The following KCTD1 variants were observed in gnomAD, a reference collection of about 807,000 sequenced individuals.
KCTD1 encodes potassium channel tetramerization domain containing 1.
Under a neutral mutation model 66.0 loss-of-function variants are expected in KCTD1, and 24 were observed. The ratio of observed to expected loss-of-function variants is 0.36; its 90% CI spans 0.26 to 0.51. The LOEUF (loss-of-function observed/expected upper bound fraction) is 0.51, where lower values mean the gene tolerates loss of function less well. Ranked by LOEUF, KCTD1 falls within the 20% of genes least tolerant of loss-of-function variation. The pLI is 0.95. For synonymous variants in KCTD1, 511 were observed against 517.2 expected, an observed-to-expected ratio of 0.99 and a Z score of 0.16; for missense variants, 943 against 1,205.2, an observed-to-expected ratio of 0.78 and a Z score of 3.22.
chr18:26,523,273 T>G (rs1166707115), intron 1 of KCTD1, among the ~76,000 whole-genome samples: 1 of 152,204 alleles, frequency 6.6e-6, no homozygotes, highest in African/African-American at 2.4e-5. Flanking sequence ...ACCCTGGAAC[T>G]CTATTTCTTT....
At chr18:26,534,708 T>C (rs539054529) in intron 1 of KCTD1, among the ~76,000 whole-genome samples, 4 of 152,310 alleles carry the variant, frequency 2.6e-5, no homozygotes, top group African/African-American at 9.6e-5. Flanking sequence ...AGAAATGTAG[T>C]AACCTGCCTA....
chr18:26,465,999 C>A lies in KCTD1; in HGVS notation c.2134-6074G>T, dbSNP rs538184578. 3.9e-3 allele frequency among the ~76,000 whole-genome samples: 588 copies of A among 151,786 alleles called. 3 individuals are homozygous for A. The highest frequency in any genetic ancestry group is 0.014 in the African/African-American group (559 of 41,308). On this transcript the variant is annotated intron_variant, in intron 3 of 4. Transcript: ENST00000580059. ...TCCTGAGTAGGCACTCCCGCAGGTA[C>A]CAGTGAAGAAACTCTGGCGAGTGGG...
intron 1 of KCTD1, among the ~76,000 whole-genome samples, chr18:26,562,843 A>G (rs1567994947): frequency 6.6e-6 from 1 of 152,198 alleles, no homozygotes; most frequent in East Asian, 1.9e-4. Context: ...CTCTCTTCTT[A>G]TGAACACATC....
rs1430822079 is a variant in KCTD1 at position 26,455,720 on chromosome 18, T to C, written c.*23A>G. The C allele has an allele frequency of 8.1e-6, 13 of 1,613,980 alleles. No individual in the cohort carries two copies. Among genetic ancestry groups the C allele is most frequent in the Non-Finnish European group, 1.1e-5 (13 of 1,179,984 alleles). ...AGTTATTGGTTGTGTGTGTTTTCCT[T>C]TTTGCATAAGAAATATGTCCATTTA... On this transcript the variant is annotated 3_prime_UTR_variant, in exon 5 of 5. Transcript: ENST00000580059.
At chr18:26,654,853 C>A (rs1598986966) in intron 1 of KCTD1, among the ~76,000 whole-genome samples, 1 of 152,230 alleles carries the variant, frequency 6.6e-6, no homozygotes, top group Admixed American at 6.5e-5. Flanking sequence ...ACAATTCTTT[C>A]CATTCAGGCA....
chr18:26,502,779 T>C (rs949383860), intron 1 of KCTD1, among the ~76,000 whole-genome samples: 2 of 152,234 alleles, frequency 1.3e-5, no homozygotes, highest in Admixed American at 1.3e-4. Flanking sequence ...ATGCAAACAA[T>C]GTATGGCAAA....
At chr18:26,589,341 C>T (rs1484299458) in intron 1 of KCTD1, among the ~76,000 whole-genome samples, 1 of 152,204 alleles carries the variant, frequency 6.6e-6, no homozygotes, top group Non-Finnish European at 1.5e-5. Context: ...GCAAGCCATT[C>T]AGTTAAGCAC....
At chr18:26,582,271 TAAAA>T (rs34642580) in intron 1 of KCTD1, among the ~76,000 whole-genome samples, 7 of 143,920 alleles carry the variant, frequency 4.9e-5, no homozygotes, top group African/African-American at 1.0e-4. Flanking sequence ...ACACCCCGTC[TAAAA>T]AAAAAAAAAA....
chr18:26,466,398 CT>C (rs1283555991), intron 3 of KCTD1, among the ~76,000 whole-genome samples: 3 of 152,232 alleles, frequency 2.0e-5, no homozygotes, highest in Non-Finnish European at 4.4e-5. Flanking sequence ...CTAGTAAGCG[CT>C]TCCTGTCAAT....
intron 1 of KCTD1, among the ~76,000 whole-genome samples, chr18:26,517,469 A>G (rs1254763045): frequency 9.2e-5 from 14 of 152,120 alleles, no homozygotes; most frequent in Admixed American, 9.2e-4. Context: ...CAGCCTGACC[A>G]ACATGGAGAA....
At chr18:26,526,581 G>A (rs979412749) in intron 1 of KCTD1, among the ~76,000 whole-genome samples, 6 of 152,174 alleles carry the variant, frequency 3.9e-5, no homozygotes, top group African/African-American at 1.2e-4. Flanking sequence ...AGATGCTAGG[G>A]AAATAGAAAT....
intron 2 of KCTD1, among the ~76,000 whole-genome samples, chr18:26,496,277 A>C (rs1466376575): frequency 6.6e-6 from 1 of 152,216 alleles, no homozygotes; most frequent in Non-Finnish European, 1.5e-5. Flanking sequence ...TCAAGCTAAC[A>C]AACTATTAAA....
chr18:26,565,672 G>A (rs1256648371), intron 1 of KCTD1: 1 of 151,172 alleles, frequency 6.6e-6, no homozygotes, highest in East Asian at 1.9e-4. Context: ...AGTGAGCCAT[G>A]CTTTGTTTCC....
At chr18:26,535,588 T>C (rs1984664666) in intron 1 of KCTD1, among the ~76,000 whole-genome samples, 1 of 152,206 alleles carries the variant, frequency 6.6e-6, no homozygotes, top group Admixed American at 6.5e-5. Context: ...TTCCCCTTTC[T>C]TTCACTGAGG....
intron 1 of KCTD1, among the ~76,000 whole-genome samples, chr18:26,601,444 T>C (rs555280242): frequency 6.6e-6 from 1 of 151,552 alleles, no homozygotes; most frequent in African/African-American, 2.4e-5. Flanking sequence ...GTCAGCATCA[T>C]ATCTATATAT....
chr18:26,593,733 T>G (rs1484345761), intron 1 of KCTD1, among the ~76,000 whole-genome samples: 36 of 47,760 alleles, frequency 7.5e-4, no homozygotes, highest in Non-Finnish European at 9.6e-4. Context: ...AGGAGAAAGA[T>G]GAGGAGGAGG....
intron 1 of KCTD1, among the ~76,000 whole-genome samples, chr18:26,509,172 C>T (rs751561477): frequency 2.8e-5 from 4 of 144,746 alleles, no homozygotes; most frequent in Non-Finnish European, 6.1e-5. Flanking sequence ...AAAAAAAAAA[C>T]AAACTCGGCA....
intron 1 of KCTD1, among the ~76,000 whole-genome samples, chr18:26,592,801 T>C (rs1370908): frequency 0.25 from 37,437 of 152,102 alleles, 4,763 homozygotes; most frequent in East Asian, 0.34. Context: ...AATGGGGAAA[T>C]GGGGGCAAGT....
In KCTD1 at chr18:26,621,082, C is replaced by T. The variant is rs531552834; in HGVS notation, c.-16+8065G>A. On this transcript the variant is annotated intron_variant, in intron 1 of 4. Coordinates refer to the KCTD1 transcript ENST00000317932. Reference sequence around the variant, plus strand: ...TCTCCTGACCTCGTGATCCACCCGCCTCCGCCTCCCAAAGTGCCGGGATTA... The same window carrying T: ...TCTCCTGACCTCGTGATCCACCCGCTTCCGCCTCCCAAAGTGCCGGGATTA... Among the ~76,000 whole-genome samples the T allele has an allele frequency of 3.3e-5, 5 of 152,284 alleles. No individual in the cohort carries two copies. In the South Asian group the frequency reaches 1.0e-3, roughly 32 times the overall value.
Sources: allele counts gnomAD v4.1 joint callset (sites outside exome capture counted in the v4.1 genomes callset), GRCh38; gene constraint gnomAD v4.1.1; transcripts MANE v1.5; gene names NCBI Gene and HGNC (gene_info 2026-07-23, HGNC 2026-07-21).